Variants in NEXMIF observed in about 807,000 individuals in gnomAD.
The protein encoded by NEXMIF is neurite extension and migration factor.
NEXMIF carries 8 observed loss-of-function variants against 62.1 expected under a neutral mutation model. That is an observed-to-expected ratio of 0.13 (90% confidence interval 0.08 to 0.23). The LOEUF is 0.23. Among genes scored for constraint, NEXMIF ranks in the 10% least tolerant of loss-of-function variants. NEXMIF has a pLI of 1.00. For synonymous variants in NEXMIF, 404 were observed against 416.6 expected (o/e 0.97, Z 0.37); for missense variants, 976 against 1,113.3 (o/e 0.88, Z 1.75).
intron 1 of NEXMIF, among the ~76,000 whole-genome samples, chrX:74,836,211 A>T (rs1287717512): frequency 8.9e-6 from 1 of 112,651 alleles, no homozygotes; most frequent in Non-Finnish European, 1.9e-5. Context: ...GACCCAGGGC[A>T]GGTCCAGAAA....
chrX:74,756,971 G>A (rs146816653), intron 1 of NEXMIF, among the ~76,000 whole-genome samples: 1 of 111,749 alleles, frequency 8.9e-6, no homozygotes, highest in African/African-American at 3.3e-5. Flanking sequence ...CTAGCCTTCT[G>A]CAAGTTCACC....
intron 1 of NEXMIF, among the ~76,000 whole-genome samples, chrX:74,794,147 G>A (rs887737406): frequency 3.7e-5 from 4 of 109,379 alleles, no homozygotes; most frequent in South Asian, 4.1e-4. Flanking sequence ...TGTACAGATG[G>A]GTTTTTGGTT....
At chrX:74,787,036 A>G (rs746459780) in intron 1 of NEXMIF, among the ~76,000 whole-genome samples, 19 of 105,347 alleles carry the variant, frequency 1.8e-4, no homozygotes, top group Non-Finnish European at 3.5e-4. Flanking sequence ...TGAGGCGGGC[A>G]GATCACGAGG....
chrX:74,897,103 G>C (rs2080735249), intron 1 of NEXMIF, among the ~76,000 whole-genome samples: 1 of 111,899 alleles, frequency 8.9e-6, no homozygotes, highest in African/African-American at 3.2e-5. Context: ...CGGCTCAAAA[G>C]AAAATGTATT....
At chrX:74,784,190 T>C (rs2080254335) in intron 1 of NEXMIF, among the ~76,000 whole-genome samples, 1 of 111,881 alleles carries the variant, frequency 8.9e-6, no homozygotes. Flanking sequence ...TAGTCTTTCA[T>C]TGGGACTTGC....
Position 74,841,948 on chromosome X carries a change from G to A in NEXMIF, c.-48+82935C>T, listed in dbSNP as rs962750363. ...TATTGACCTGAAGTTTTCTTTTGCT[G>A]TTGTGTCTCCGCCAGGTTTTGAAAT... On this transcript the variant is annotated intron_variant, in intron 1 of 3. Transcript: ENST00000055682. Among the ~76,000 whole-genome samples the A allele has an allele frequency of 2.7e-5, 3 of 111,628 alleles. No homozygotes were observed. In the East Asian group the frequency reaches 8.5e-4, roughly 32 times the overall value.
intron 1 of NEXMIF, among the ~76,000 whole-genome samples, chrX:74,823,985 T>G (rs1475533964): frequency 9.0e-6 from 1 of 111,422 alleles, no homozygotes; most frequent in Non-Finnish European, 1.9e-5. Context: ...TATTTGAATA[T>G]CTAGAGAAAT....
At chrX:74,880,683 T>G (rs775923394) in intron 1 of NEXMIF, among the ~76,000 whole-genome samples, 1 of 112,134 alleles carries the variant, frequency 8.9e-6, no homozygotes, top group East Asian at 2.8e-4. Flanking sequence ...TAATCACCAT[T>G]AGTCAATGGA....
At chrX:74,852,660 A>C in intron 1 of NEXMIF, among the ~76,000 whole-genome samples, 1 of 112,168 alleles carries the variant, frequency 8.9e-6, no homozygotes, top group Non-Finnish European at 1.9e-5. Flanking sequence ...GGAAACTACA[A>C]ACACATGGAA....
chrX:74,826,611 T>C (rs1184980585), intron 1 of NEXMIF, among the ~76,000 whole-genome samples: 3 of 112,033 alleles, frequency 2.7e-5, no homozygotes, highest in Non-Finnish European at 5.6e-5. Flanking sequence ...AGAAAGTTTT[T>C]AGTTTGATAC....
At chrX:74,878,923 A>G (rs1003062618) in intron 1 of NEXMIF, among the ~76,000 whole-genome samples, 20 of 112,534 alleles carry the variant, frequency 1.8e-4, no homozygotes, top group South Asian at 7.3e-4. Context: ...GGTACCTCAG[A>G]TGGAAATGCA....
At chrX:74,838,201 T>C (rs1402599111) in intron 1 of NEXMIF, among the ~76,000 whole-genome samples, 1 of 111,630 alleles carries the variant, frequency 9.0e-6, no homozygotes, top group Non-Finnish European at 1.9e-5. Flanking sequence ...TATGTGTGTA[T>C]GTACAATGTG....
intron 1 of NEXMIF, among the ~76,000 whole-genome samples, chrX:74,867,905 CAG>C (rs1243145185): frequency 8.9e-6 from 1 of 111,788 alleles, no homozygotes; most frequent in Admixed American, 9.5e-5. Flanking sequence ...GTCTAATATC[CAG>C]AGTCTACAAG....
chrX:74,889,678 C>CA (rs1229063465), intron 1 of NEXMIF, among the ~76,000 whole-genome samples: 7 of 93,589 alleles, frequency 7.5e-5, no homozygotes, highest in African/African-American at 2.9e-4. Context: ...TTATGGGCTC[C>CA]AAAAAAACCA....
At chrX:74,803,947 G>T (rs1323759919) in intron 1 of NEXMIF, among the ~76,000 whole-genome samples, 1 of 111,839 alleles carries the variant, frequency 8.9e-6, no homozygotes, top group African/African-American at 3.3e-5. Flanking sequence ...GTGTTAATGA[G>T]CAAGAATAAA....
chrX:74,924,439 C>T (rs747929601), intron 1 of NEXMIF, among the ~76,000 whole-genome samples: 1 of 113,197 alleles, frequency 8.8e-6, no homozygotes, highest in Non-Finnish European at 1.9e-5. Context: ...CGGCTTTGGT[C>T]CGAGCGCCCG....
chrX:74,854,614 A>C (rs1030528285), intron 1 of NEXMIF, among the ~76,000 whole-genome samples: 1 of 111,841 alleles, frequency 8.9e-6, no homozygotes, highest in African/African-American at 3.3e-5. Context: ...AGGCATTCAC[A>C]TTGGAAAAGA....
intron 1 of NEXMIF, among the ~76,000 whole-genome samples, chrX:74,827,018 G>A (rs1216199803): frequency 8.1e-5 from 9 of 111,684 alleles, no homozygotes; most frequent in African/African-American, 2.9e-4. Flanking sequence ...TCACATCTTT[G>A]CCACTACAGA....
At chrX:74,909,355 T>C (rs2080779816) in intron 1 of NEXMIF, among the ~76,000 whole-genome samples, 1 of 111,716 alleles carries the variant, frequency 9.0e-6, no homozygotes, top group Non-Finnish European at 1.9e-5. Context: ...CCTTGTTATG[T>C]TTTAGCAAAG....
Sources: allele counts gnomAD v4.1 joint callset (sites outside exome capture counted in the v4.1 genomes callset), GRCh38; gene constraint gnomAD v4.1.1; transcripts MANE v1.5; gene names NCBI Gene and HGNC (gene_info 2026-07-23, HGNC 2026-07-21).